The following PPEF1 variants were observed in gnomAD, a reference collection of about 807,000 sequenced individuals.
PPEF1 encodes the protein serine/threonine-protein phosphatase with EF-hands 1.
A neutral mutation model predicts 53.3 loss-of-function variants in PPEF1; 12 were observed. The ratio of observed to expected loss-of-function variants is 0.23; its 90% CI spans 0.14 to 0.36. The LOEUF (loss-of-function observed/expected upper bound fraction) is 0.36. PPEF1 is among the 10% of genes least tolerant of loss of function. The pLI, the probability that PPEF1 is intolerant of heterozygous loss-of-function variation, is 1.00. For synonymous variants in PPEF1, 165 were observed against 176.7 expected (o/e 0.93, Z 0.52); for missense variants, 334 against 490.4 (o/e 0.68, Z 3.01).
At chrX:18,773,139 G>A (rs2045900912) in intron 6 of PPEF1, among the ~76,000 whole-genome samples, 1 of 112,251 alleles carries the variant, frequency 8.9e-6, no homozygotes, top group Admixed American at 9.4e-5. Flanking sequence ...AAGAATTTAT[G>A]GACATTATTT....
chrX:18,742,296 G>C (rs1408308647), intron 3 of PPEF1, among the ~76,000 whole-genome samples: 1 of 111,558 alleles, frequency 9.0e-6, no homozygotes, highest in Non-Finnish European at 1.9e-5. Flanking sequence ...GTCCCTTTTG[G>C]TAAAATATGT....
At chrX:18,693,329 C>G (rs1167071436) in intron 4 of PPEF1, among the ~76,000 whole-genome samples, 1 of 111,833 alleles carries the variant, frequency 8.9e-6, no homozygotes, top group East Asian at 2.8e-4. Context: ...CTACCTCCCC[C>G]AGGTTAATGC....
At chrX:18,788,734 A>G (rs1479054903) in intron 9 of PPEF1, among the ~76,000 whole-genome samples, 5 of 111,933 alleles carry the variant, frequency 4.5e-5, no homozygotes, top group Non-Finnish European at 9.4e-5. Context: ...CACTCTATTA[A>G]GAGGTGTTTC....
intron 12 of PPEF1, among the ~76,000 whole-genome samples, chrX:18,809,133 A>ATCTG (rs1569270659): frequency 2.8e-5 from 3 of 108,667 alleles, no homozygotes; most frequent in African/African-American, 1.0e-4. Flanking sequence ...CTATCTATCT[A>ATCTG]TCTATCTAGT....
rs1386064541 is a variant in PPEF1 at position 18,735,096 on chromosome X, A to G, written c.235+1288A>G. Reference sequence around the variant, plus strand: ...TGTAGGTTGCCTGTTCACTCTCATGATAGTTTTTTTGCTGTGCGGAAGCTC... The same window carrying G: ...TGTAGGTTGCCTGTTCACTCTCATGGTAGTTTTTTTGCTGTGCGGAAGCTC... On this transcript the variant is annotated intron_variant, in intron 3 of 15. Transcript: ENST00000470157. Among the ~76,000 whole-genome samples, 3 of 111,489 alleles carry G rather than the reference A, an allele frequency of 2.7e-5. No individual in the cohort carries two copies. In the East Asian group the frequency reaches 8.4e-4, roughly 31 times the overall value.
intron 9 of PPEF1, 37 bp from the exon 10 acceptor site, chrX:18,789,084 G>A (rs1569265607): frequency 8.4e-7 from 1 of 1,196,069 alleles, no homozygotes; most frequent in African/African-American, 1.7e-5. Flanking sequence ...GGCAGAATAA[G>A]CAGAGGGTTG....
intron 3 of PPEF1, among the ~76,000 whole-genome samples, chrX:18,739,517 T>C (rs5955640): frequency 0.059 from 6,533 of 111,664 alleles, 460 homozygotes; most frequent in African/African-American, 0.2. Flanking sequence ...GAGGGGTACC[T>C]GGCTGTATGA....
intron 10 of PPEF1, among the ~76,000 whole-genome samples, chrX:18,790,319 A>T (rs2046300997): frequency 8.9e-6 from 1 of 112,184 alleles, no homozygotes; most frequent in Admixed American, 9.4e-5. Flanking sequence ...ATTGCATTGT[A>T]GGAGGTTTTT....
rs372234756 is a variant in PPEF1 at position 18,827,498 on chromosome X, G to A, written c.*11G>A. 1 of 1,187,142 alleles carries A rather than the reference G, an allele frequency of 8.4e-7. No individual in the cohort carries two copies. The highest frequency in any genetic ancestry group is 1.8e-5 in the African/African-American group (1 of 56,671). Reference sequence around the variant, plus strand: ...ACCAACCTTGGCTAAACACAAATGAGAGCTTCCCTCAGGCTCCCTGAAACA... The same window carrying A: ...ACCAACCTTGGCTAAACACAAATGAAAGCTTCCCTCAGGCTCCCTGAAACA... On this transcript the variant is annotated 3_prime_UTR_variant, in exon 16 of 16. Transcript: ENST00000470157.
chrX:18,696,448 C>A (rs894468071), intron 4 of PPEF1, among the ~76,000 whole-genome samples: 4 of 110,421 alleles, frequency 3.6e-5, no homozygotes, highest in African/African-American at 1.3e-4. Flanking sequence ...CCACTGCCCC[C>A]AGCCTTTTTG....
At chrX:18,679,292 G>A (rs1361819502), upstream of PPEF1, among the ~76,000 whole-genome samples, 2 of 111,423 alleles carry the variant, frequency 1.8e-5, no homozygotes, top group African/African-American at 6.6e-5. Context: ...TGGCCAGGCT[G>A]TTCTTAAACT....
chrX:18,691,886 C>T (rs769827762), intron 4 of PPEF1, among the ~76,000 whole-genome samples: 10 of 111,898 alleles, frequency 8.9e-5, no homozygotes, highest in Non-Finnish European at 1.5e-4. Flanking sequence ...ATGGACTATA[C>T]GGTAATCAAG....
chrX:18,810,411 C>T (rs1023081565), intron 12 of PPEF1, among the ~76,000 whole-genome samples: 1 of 110,385 alleles, frequency 9.1e-6, no homozygotes, highest in Admixed American at 9.8e-5. Flanking sequence ...CAAAGTTTAC[C>T]CATTTACAAT....
chrX:18,772,313 A>G lies in PPEF1; in HGVS notation c.559-6697A>G, dbSNP rs2045888007. Among the ~76,000 whole-genome samples the G allele has an allele frequency of 2.7e-5, 3 of 111,340 alleles. No individual in the cohort carries two copies. The South Asian group carries it at 1.1e-3, about 43-fold the overall frequency. On this transcript the variant is annotated intron_variant, in intron 6 of 15. Coordinates refer to ENST00000470157, the MANE Select transcript of PPEF1 (RefSeq NM_001377996.1). ...GGTGGCAGAGGGAGAAGAGCCACAT[A>G]TAAGTGGACCCATGCAGTTCAAAGC... is the stretch of plus-strand genomic sequence containing the variant.
chrX:18,686,095 A>T (rs1478440852), intron 2 of PPEF1: 1 of 112,505 alleles, frequency 8.9e-6, no homozygotes, highest in Non-Finnish European at 1.9e-5. Context: ...CCCTGTAGGC[A>T]TGTAGTCCTT....
intron 10 of PPEF1, among the ~76,000 whole-genome samples, chrX:18,791,788 T>C (rs1179216277): frequency 8.9e-5 from 10 of 112,329 alleles, no homozygotes. Context: ...GCATTCAGTC[T>C]TTCATCAAGT....
At chrX:18,716,952 AGG>A (rs2044470936) in intron 1 of PPEF1, among the ~76,000 whole-genome samples, 1 of 109,482 alleles carries the variant, frequency 9.1e-6, no homozygotes, top group Non-Finnish European at 1.9e-5. Flanking sequence ...TAGCTGTGGG[AGG>A]GGTAGGTAGG....
intron 3 of PPEF1, among the ~76,000 whole-genome samples, chrX:18,736,822 A>G (rs1180451082): frequency 8.9e-6 from 1 of 112,395 alleles, no homozygotes; most frequent in Non-Finnish European, 1.9e-5. Flanking sequence ...TTATTGGTCT[A>G]TTCAGAGATT....
chrX:18,730,445 G>C, intron 2 of PPEF1, 137 bp downstream of exon 2: 2 of 724,498 alleles, frequency 2.8e-6, no homozygotes, highest in Non-Finnish European at 3.9e-6. Flanking sequence ...TCATGACATT[G>C]TCTTGGAACT....
Sources: gnomAD v4.1 joint callset for allele counts (sites outside exome capture counted in the v4.1 genomes callset) on GRCh38, gnomAD v4.1.1 for gene constraint, MANE v1.5 for transcripts, NCBI Gene and HGNC (gene_info 2026-07-23, HGNC 2026-07-21) for gene names.